Variants in SMOC2 observed in about 807,000 individuals in gnomAD.
SMOC2 encodes the protein SPARC related modular calcium binding 2, also known as SPARC-related modular calcium-binding protein 2.
Under a neutral mutation model 61.4 loss-of-function variants are expected in SMOC2, and 39 were observed. That is an observed-to-expected ratio of 0.64 (90% CI 0.49 to 0.83). SMOC2 has a LOEUF of 0.83. SMOC2 is among the 40% of genes least tolerant of loss of function. The pLI is 0.00. For missense variants in SMOC2, 556 were observed against 592.9 expected (o/e 0.94, Z 0.65); for synonymous variants, 247 against 239.9 (o/e 1.03, Z -0.27).
intron 5 of SMOC2, among the ~76,000 whole-genome samples, chr6:168,543,965 G>A (rs1562338531): frequency 6.6e-6 from 1 of 152,080 alleles, no homozygotes; most frequent in Non-Finnish European, 1.5e-5. Context: ...TGTGGAGAGG[G>A]CTGAGGCTCA....
intron 7 of SMOC2, among the ~76,000 whole-genome samples, chr6:168,597,494 A>G (rs1785362863): frequency 6.6e-6 from 1 of 152,210 alleles, no homozygotes; most frequent in African/African-American, 2.4e-5. Flanking sequence ...TTTAATCCCC[A>G]GAACAATCCT....
chr6:168,514,446 G>C (rs1026196900), intron 2 of SMOC2, among the ~76,000 whole-genome samples: 4 of 152,252 alleles, frequency 2.6e-5, no homozygotes, highest in Non-Finnish European at 4.4e-5. Context: ...TGGAAAGTTG[G>C]CGTGGAGCCA....
intron 1 of SMOC2, among the ~76,000 whole-genome samples, chr6:168,472,409 A>G (rs568490803): frequency 6.6e-6 from 1 of 152,192 alleles, no homozygotes; most frequent in East Asian, 1.9e-4. Context: ...TGGTGTATAT[A>G]TTTATTTTTA....
chr6:168,578,661 C>T (rs995778051), intron 7 of SMOC2, among the ~76,000 whole-genome samples: 2 of 152,162 alleles, frequency 1.3e-5, no homozygotes, highest in African/African-American at 4.8e-5. Flanking sequence ...ATTCTACACA[C>T]GGGTTGAGTT....
At chr6:168,625,539 C>G (rs1017141461) in intron 9 of SMOC2, among the ~76,000 whole-genome samples, 1 of 152,250 alleles carries the variant, frequency 6.6e-6, no homozygotes, top group Admixed American at 6.5e-5. Context: ...TTCTTTCTCA[C>G]TTGTTCTTTC....
chr6:168,479,813 C>G (rs2115022015), intron 1 of SMOC2, among the ~76,000 whole-genome samples: 1 of 152,246 alleles, frequency 6.6e-6, no homozygotes, highest in East Asian at 1.9e-4. Context: ...ACCCATTGTC[C>G]CAACCCTTGC....
chr6:168,502,724 T>TG (rs1471145813), intron 1 of SMOC2, among the ~76,000 whole-genome samples: 1 of 143,948 alleles, frequency 6.9e-6, no homozygotes. Context: ...CCTCACTTAC[T>TG]TTTTTATTTT....
chr6:168,495,465 C>T (rs1388083824), intron 1 of SMOC2, among the ~76,000 whole-genome samples: 1 of 152,202 alleles, frequency 6.6e-6, no homozygotes, highest in Non-Finnish European at 1.5e-5. Context: ...ATCTCTTTGT[C>T]ACATTTAATT....
intron 9 of SMOC2, among the ~76,000 whole-genome samples, chr6:168,628,016 G>A (rs903066440): frequency 1.3e-5 from 2 of 151,940 alleles, no homozygotes; most frequent in African/African-American, 2.4e-5. Flanking sequence ...CTGGACTAAC[G>A]CCACTCTTGC....
intron 1 of SMOC2, among the ~76,000 whole-genome samples, chr6:168,476,098 T>C (rs1357923478): frequency 6.6e-6 from 1 of 152,150 alleles, no homozygotes; most frequent in Non-Finnish European, 1.5e-5. Context: ...GGATTTAATA[T>C]ATTGATTTCT....
At chr6:168,491,745 G>T (rs1464676385) in intron 1 of SMOC2, among the ~76,000 whole-genome samples, 1 of 151,716 alleles carries the variant, frequency 6.6e-6, no homozygotes, top group Non-Finnish European at 1.5e-5. Flanking sequence ...TGACTTAATT[G>T]TGATTTTATT....
chr6:168,475,712 T>C lies in SMOC2; in HGVS notation c.85-34203T>C, dbSNP rs1782064328. On this transcript the variant is annotated intron_variant, in intron 1 of 12. Coordinates refer to ENST00000356284, the MANE Select transcript of SMOC2 (RefSeq NM_001166412.2). The surrounding 1 kb of genome is among the most constrained non-coding windows in gnomAD (Gnocchi z 4.6). ...GGCCACGTGTGAGACCTGGTGTGGG[T>C]CGAGGACACTGCTCGGCGTTAGAAG... Among the ~76,000 whole-genome samples, 1 of 151,958 alleles carries C rather than the reference T, an allele frequency of 6.6e-6. No individual in the cohort carries two copies. Among genetic ancestry groups the C allele is most frequent in the African/African-American group, 2.4e-5 (1 of 41,388 alleles).
chr6:168,477,236 G>C (rs960666448), intron 1 of SMOC2, among the ~76,000 whole-genome samples: 1 of 152,188 alleles, frequency 6.6e-6, no homozygotes, highest in African/African-American at 2.4e-5. Context: ...TGCTCAGATA[G>C]ATATCCAAAC....
At chr6:168,551,435 ATTTATTTATTTATTTAT>A in intron 7 of SMOC2, among the ~76,000 whole-genome samples, 1 of 67,422 alleles carries the variant, frequency 1.5e-5, no homozygotes, top group Non-Finnish European at 2.8e-5. Flanking sequence ...TTATTTATTT[ATTTATTTATTTATTTAT>A]TTATTTATTT....
intron 7 of SMOC2, among the ~76,000 whole-genome samples, chr6:168,595,479 G>A (rs550672977): frequency 1.5e-4 from 23 of 152,204 alleles, no homozygotes; most frequent in Non-Finnish European, 2.6e-4. Flanking sequence ...CCTGCAGAAC[G>A]CTGCGTTCTG....
chr6:168,617,956 G>A (rs75706391), intron 9 of SMOC2, among the ~76,000 whole-genome samples: 3,748 of 152,352 alleles, frequency 0.025, 290 homozygotes, highest in Admixed American at 0.16. Flanking sequence ...TCATTTCCCT[G>A]AGAGGCATGC....
chr6:168,484,993 A>C (rs1417506002), intron 1 of SMOC2, among the ~76,000 whole-genome samples: 1 of 152,196 alleles, frequency 6.6e-6, no homozygotes, highest in East Asian at 1.9e-4. Flanking sequence ...TGAGCTTTAC[A>C]AGTTGGAAGT....
At chr6:168,470,832 G>T (rs1781953811) in intron 1 of SMOC2, among the ~76,000 whole-genome samples, 1 of 152,020 alleles carries the variant, frequency 6.6e-6, no homozygotes, top group Non-Finnish European at 1.5e-5. Flanking sequence ...GTTTCTTAAT[G>T]AAGTCATATT....
At chr6:168,550,349 A>G (rs1203821670) in intron 7 of SMOC2, among the ~76,000 whole-genome samples, 1 of 152,162 alleles carries the variant, frequency 6.6e-6, no homozygotes, top group Non-Finnish European at 1.5e-5. Flanking sequence ...AAAAAAATCA[A>G]AAGGTATATT....
Sources: allele counts gnomAD v4.1 joint callset (sites outside exome capture counted in the v4.1 genomes callset), GRCh38; gene constraint gnomAD v4.1.1; non-coding constraint Gnocchi (gnomAD v3.1); transcripts MANE v1.5; gene names NCBI Gene and HGNC (gene_info 2026-07-23, HGNC 2026-07-21).